CALN1: variants seen among roughly 807,000 people sequenced by gnomAD.
CALN1 encodes calneuron 1.
A neutral mutation model predicts 30.6 loss-of-function variants in CALN1; 17 were observed. The observed-to-expected ratio is 0.56, with a 90% CI of 0.38 to 0.83. The LOEUF is 0.83. CALN1 is among the 40% of genes least tolerant of loss of function. The pLI is 0.00. For missense variants in CALN1, 291 were observed against 354.9 expected (o/e 0.82, Z 1.45); for synonymous variants, 156 against 131.4 (o/e 1.19, Z -1.28).
At chr7:72,186,077 G>C (rs1396351539) in intron 3 of CALN1, among the ~76,000 whole-genome samples, 1 of 152,062 alleles carries the variant, frequency 6.6e-6, no homozygotes, top group African/African-American at 2.4e-5. Context: ...TAAGGGCAGA[G>C]GCATAGCCAC....
chr7:72,233,723 G>C (rs576457236), intron 3 of CALN1, among the ~76,000 whole-genome samples: 1 of 151,918 alleles, frequency 6.6e-6, no homozygotes, highest in African/African-American at 2.4e-5. Flanking sequence ...ACTAAATTAG[G>C]CCAGGCATGC....
In CALN1 at chr7:72,328,116, T is replaced by A. The variant is rs550163044; in HGVS notation, c.120-49306A>T. Among the ~76,000 whole-genome samples, 766 of 150,816 alleles carry A rather than the reference T, an allele frequency of 5.1e-3. 5 individuals are homozygous for A. Among genetic ancestry groups the A allele is most frequent in the South Asian group, 8.6e-3 (41 of 4,784 alleles). ...CTGTATAGCTTTTAATTTCTTTTTT[T>A]AAAAAAAAAATGTTTACTTTCATCG... is the stretch of plus-strand genomic sequence containing the variant. On this transcript the variant is annotated intron_variant, in intron 2 of 6. Coordinates refer to ENST00000395275, the MANE Select transcript of CALN1 (RefSeq NM_031468.4).
chr7:72,242,599 A>T (rs1794913318), intron 3 of CALN1, among the ~76,000 whole-genome samples: 1 of 152,218 alleles, frequency 6.6e-6, no homozygotes, highest in East Asian at 1.9e-4. Flanking sequence ...TGAAATATTA[A>T]AATTAAGGCC....
chr7:72,442,866 C>G (rs1266969197), intron 1 of CALN1, among the ~76,000 whole-genome samples: 1 of 151,984 alleles, frequency 6.6e-6, no homozygotes, highest in African/African-American at 2.4e-5. Context: ...TAGGGTTGCA[C>G]TTATTTAGGA....
At chr7:71,811,186 C>T (rs1584270791) in intron 5 of CALN1, among the ~76,000 whole-genome samples, 4 of 152,088 alleles carry the variant, frequency 2.6e-5, no homozygotes, top group Admixed American at 2.6e-4. Flanking sequence ...CCTGAGCCAC[C>T]ACGCCCGGCC....
At chr7:72,139,152 T>C (rs140258638) in intron 3 of CALN1, among the ~76,000 whole-genome samples, 202 of 152,268 alleles carry the variant, frequency 1.3e-3, no homozygotes, top group African/African-American at 4.7e-3. Flanking sequence ...AGGTTGCTAT[T>C]CCACACCAGG....
At chr7:72,007,582 T>C (rs1799844529) in intron 5 of CALN1, among the ~76,000 whole-genome samples, 1 of 152,066 alleles carries the variant, frequency 6.6e-6, no homozygotes, top group Admixed American at 6.6e-5. Context: ...CAACTTAATA[T>C]TATCTGAAAT....
Position 72,333,105 on chromosome 7 carries a change from A to T in CALN1, c.120-54295T>A, listed in dbSNP as rs566708992. On this transcript the variant is annotated intron_variant, in intron 2 of 6. Coordinates refer to ENST00000395275, the MANE Select transcript of CALN1 (RefSeq NM_031468.4). Reference sequence around the variant, plus strand: ...TTCCTCATATTCTCCACGTGTTCTAATTTCTCAGACTTTCCCACCCTTTCC... The same window carrying T: ...TTCCTCATATTCTCCACGTGTTCTATTTTCTCAGACTTTCCCACCCTTTCC... 9.4e-4 allele frequency among the ~76,000 whole-genome samples: 143 copies of T among 152,256 alleles called. 1 individual carries two copies. Among genetic ancestry groups the T allele is most frequent in the African/African-American group, 3.3e-3 (136 of 41,554 alleles).
chr7:72,314,418 C>CACATATATATATAT (rs1198195005), intron 2 of CALN1, among the ~76,000 whole-genome samples: 1 of 148,172 alleles, frequency 6.7e-6, no homozygotes, highest in South Asian at 2.1e-4. Context: ...CATATATATA[C>CACATATATATATAT]ACACATACAT....
intron 3 of CALN1, among the ~76,000 whole-genome samples, chr7:72,114,751 T>C (rs1807845081): frequency 6.6e-6 from 1 of 151,826 alleles, no homozygotes; most frequent in African/African-American, 2.4e-5. Flanking sequence ...CCCCACACTT[T>C]GGGAAGCCGA....
chr7:71,891,371 T>C (rs1793230043), intron 5 of CALN1, among the ~76,000 whole-genome samples: 1 of 152,222 alleles, frequency 6.6e-6, no homozygotes, highest in Non-Finnish European at 1.5e-5. Flanking sequence ...CTGGACTTAC[T>C]CGACACAAGT....
chr7:72,110,038 C>T (rs575785776), intron 3 of CALN1, among the ~76,000 whole-genome samples: 5 of 152,318 alleles, frequency 3.3e-5, no homozygotes, highest in South Asian at 2.1e-4. Flanking sequence ...CTTAGTTCTC[C>T]GGAAGGCTCC....
chr7:71,932,904 T>A (rs767755888), intron 5 of CALN1, among the ~76,000 whole-genome samples: 56 of 151,782 alleles, frequency 3.7e-4, no homozygotes, highest in Admixed American at 1.6e-3. Flanking sequence ...CCATTCATAA[T>A]CACTACTTTT....
chr7:71,892,987 C>T (rs2116892483), intron 5 of CALN1, among the ~76,000 whole-genome samples: 1 of 152,204 alleles, frequency 6.6e-6, no homozygotes, highest in South Asian at 2.1e-4. Flanking sequence ...TAAATTACAA[C>T]TTGCAAGGCT....
At chr7:72,277,292 C>T (rs894700992) in intron 3 of CALN1, among the ~76,000 whole-genome samples, 2 of 152,232 alleles carry the variant, frequency 1.3e-5, no homozygotes, top group African/African-American at 4.8e-5. Context: ...CACCCAAGGG[C>T]AGCCTTAGCC....
chr7:72,311,316 G>A (rs1212917048), intron 2 of CALN1, among the ~76,000 whole-genome samples: 1 of 152,064 alleles, frequency 6.6e-6, no homozygotes, highest in East Asian at 1.9e-4. Context: ...CACAAAATAT[G>A]TGTTAATTAC....
intron 3 of CALN1, among the ~76,000 whole-genome samples, chr7:72,239,049 G>C (rs943596851): frequency 1.3e-5 from 2 of 152,142 alleles, no homozygotes; most frequent in African/African-American, 4.8e-5. Context: ...TTTACAGCCA[G>C]TAAGATGTTG....
intron 5 of CALN1, among the ~76,000 whole-genome samples, chr7:71,916,342 C>G (rs1214431445): frequency 6.6e-6 from 1 of 151,656 alleles, no homozygotes; most frequent in Non-Finnish European, 1.5e-5. Context: ...CGCCTGAAAC[C>G]AAGCAGAGGA....
chr7:72,126,212 CCAA>C (rs1420915693), intron 3 of CALN1, among the ~76,000 whole-genome samples: 1 of 152,090 alleles, frequency 6.6e-6, no homozygotes, highest in Non-Finnish European at 1.5e-5. Context: ...ATAATGGTCT[CCAA>C]CTCCATAAAA....
Sources: allele counts gnomAD v4.1 joint callset (sites outside exome capture counted in the v4.1 genomes callset), GRCh38; gene constraint gnomAD v4.1.1; transcripts MANE v1.5; gene names NCBI Gene and HGNC (gene_info 2026-07-23, HGNC 2026-07-21).